The following CNTN6 variants were observed in gnomAD, a reference collection of about 807,000 sequenced individuals.
The protein encoded by CNTN6 is contactin-6.
Under a neutral mutation model 122.8 loss-of-function variants are expected in CNTN6, and 137 were observed. That is an observed-to-expected ratio of 1.12 (90% CI 0.97 to 1.29). The LOEUF (loss-of-function observed/expected upper bound fraction) is 1.29. CNTN6 is among the 50% of genes most tolerant of loss of function. The pLI is 0.00. For missense variants in CNTN6, 1,634 were observed against 1,223.4 expected, an observed-to-expected ratio of 1.34 and a Z score of -5.01; for synonymous variants, 570 against 426.0, an observed-to-expected ratio of 1.34 and a Z score of -4.16.
rs1700979072 is a variant in CNTN6, at chr3:1,322,376, G to A, written c.946+542G>A. 4.6e-5 allele frequency among the ~76,000 whole-genome samples: 7 copies of A among 151,738 alleles called. No individual in the cohort carries two copies. The South Asian group carries it at 1.5e-3, about 31-fold the overall frequency. On this transcript the variant is annotated intron_variant, in intron 8 of 22. Coordinates refer to ENST00000446702, the MANE Select transcript of CNTN6 (RefSeq NM_001289080.2). ...CGTAAACTTAAGAGAGACGATGAAT[G>A]CATATATTATCTAAAAGCTGTCTTT... is the stretch of plus-strand genomic sequence containing the variant.
intron 2 of CNTN6, among the ~76,000 whole-genome samples, chr3:1,177,770 C>T (rs557777911): frequency 1.5e-4 from 22 of 151,558 alleles, no homozygotes; most frequent in African/African-American, 5.1e-4. Context: ...TTTTATTTTT[C>T]GGTATATATG....
At chr3:1,265,288 T>G (rs1035473859) in intron 4 of CNTN6, among the ~76,000 whole-genome samples, 11 of 152,164 alleles carry the variant, frequency 7.2e-5, no homozygotes, top group African/African-American at 1.9e-4. Flanking sequence ...CTCTGCCTCT[T>G]CACCTCTAAA....
chr3:1,261,677 T>G (rs565130634), intron 4 of CNTN6, among the ~76,000 whole-genome samples: 23 of 152,240 alleles, frequency 1.5e-4, no homozygotes, highest in African/African-American at 5.1e-4. Context: ...CTAAATGGGT[T>G]GAACAGATAT....
chr3:1,222,267 A>G (rs1278866639), intron 3 of CNTN6, among the ~76,000 whole-genome samples: 1 of 152,186 alleles, frequency 6.6e-6, no homozygotes, highest in African/African-American at 2.4e-5. Flanking sequence ...TTCTTAAATG[A>G]TGAGCTGTCC....
intron 5 of CNTN6, among the ~76,000 whole-genome samples, chr3:1,287,223 G>T (rs773812467): frequency 1.3e-5 from 2 of 152,102 alleles, no homozygotes; most frequent in Non-Finnish European, 2.9e-5. Flanking sequence ...AGATCTAATA[G>T]ACATCTACGG....
At chr3:1,346,728 G>C (rs1422104411) in intron 11 of CNTN6, among the ~76,000 whole-genome samples, 2 of 152,080 alleles carry the variant, frequency 1.3e-5, no homozygotes, top group South Asian at 4.1e-4. Context: ...AATGGACTAA[G>C]ACACCGGAAA....
intron 5 of CNTN6, among the ~76,000 whole-genome samples, chr3:1,288,412 ATTC>A (rs1458836735): frequency 6.6e-6 from 1 of 152,216 alleles, no homozygotes; most frequent in African/African-American, 2.4e-5. Context: ...AAAAGGAATT[ATTC>A]TTCTTGGATT....
At chr3:1,210,116 C>G (rs984876978) in intron 2 of CNTN6, among the ~76,000 whole-genome samples, 4 of 152,142 alleles carry the variant, frequency 2.6e-5, no homozygotes, top group African/African-American at 9.7e-5. Flanking sequence ...CTGCATAAAA[C>G]CCTTCAAAAG....
chr3:1,200,789 C>G (rs1320824865), intron 2 of CNTN6, among the ~76,000 whole-genome samples: 2 of 152,182 alleles, frequency 1.3e-5, no homozygotes, highest in East Asian at 3.9e-4. Context: ...GGTTATCTCT[C>G]TAGCCCCATT....
chr3:1,385,527 G>C (rs1437557719), intron 19 of CNTN6, 84 bp from the exon 20 acceptor site: 3 of 1,077,922 alleles, frequency 2.8e-6, no homozygotes, highest in Non-Finnish European at 4.0e-6. Flanking sequence ...TATTCCTTGT[G>C]GTTGTGGTTG....
chr3:1,249,096 G>A (rs2094622510), intron 4 of CNTN6, among the ~76,000 whole-genome samples: 1 of 152,110 alleles, frequency 6.6e-6, no homozygotes, highest in Non-Finnish European at 1.5e-5. Flanking sequence ...ATATCAGACG[G>A]TGGGTAGCAA....
At chr3:1,124,869 A>C (rs10446411) in intron 1 of CNTN6, among the ~76,000 whole-genome samples, 60,657 of 151,738 alleles carry the variant, frequency 0.4, 12,654 homozygotes, top group East Asian at 0.48. Context: ...CCCATGCCAT[A>C]GCACTTATCA....
chr3:1,309,280 AT>A (rs1341882576), intron 7 of CNTN6, among the ~76,000 whole-genome samples: 2 of 152,094 alleles, frequency 1.3e-5, no homozygotes, highest in Admixed American at 6.6e-5. Context: ...TTGCATTTTC[AT>A]TGATGGTCCA....
chr3:1,372,236 T>C (rs1709117841), intron 12 of CNTN6, 63 bp from the exon 13 acceptor site: 4 of 1,262,746 alleles, frequency 3.2e-6, no homozygotes, highest in Admixed American at 4.9e-5. Flanking sequence ...TTCAGAAATA[T>C]GTATTTTATA....
intron 5 of CNTN6, among the ~76,000 whole-genome samples, chr3:1,285,109 G>A (rs79936926): frequency 0.037 from 5,691 of 152,258 alleles, 159 homozygotes; most frequent in South Asian, 0.065. Flanking sequence ...AAAAGTGATT[G>A]TGTTAATTCA....
rs536988261 is a variant in CNTN6 at position 1,372,358 on chromosome 3, G to A, written c.1552G>A (p.Val518Met). 10 of 1,613,410 alleles carry A rather than the reference G, an allele frequency of 6.2e-6. No homozygotes were observed. Among genetic ancestry groups the A allele is most frequent in the South Asian group, 1.1e-5 (1 of 91,044 alleles). ...GGATGTTACAGTTGGCGAGAGTATAGTGCTACCATGCCAGGTGTCCCATGA... is the reference window on the plus strand; with the variant it reads ...GGATGTTACAGTTGGCGAGAGTATAATGCTACCATGCCAGGTGTCCCATGA... Reference protein sequence around the residue: ...KMDVTVGESIVLPCQVSHDPS... With the variant: ...KMDVTVGESIMLPCQVSHDPS... The change falls in exon 13 of 23, where the codon GTG (valine) becomes ATG (methionine). Residue 518 changes from valine to methionine, a missense_variant. Val to Met is a conservative substitution (Grantham distance 21). Transcript: ENST00000446702.
chr3:1,268,598 C>G (rs1343620919), intron 4 of CNTN6, among the ~76,000 whole-genome samples: 1 of 113,774 alleles, frequency 8.8e-6, no homozygotes, highest in Non-Finnish European at 1.7e-5. Context: ...CAGAGCGAGA[C>G]TCCGTCTCAA....
chr3:1,271,042 T>A (rs1450680112), intron 4 of CNTN6, among the ~76,000 whole-genome samples: 1 of 152,138 alleles, frequency 6.6e-6, no homozygotes, highest in Non-Finnish European at 1.5e-5. Context: ...CACATTAGAC[T>A]ATTTTTTATA....
intron 20 of CNTN6, among the ~76,000 whole-genome samples, chr3:1,386,586 G>A (rs976997321): frequency 2.0e-5 from 3 of 152,104 alleles, no homozygotes; most frequent in Non-Finnish European, 2.9e-5. Flanking sequence ...CTGATCATCC[G>A]ACTTAGTTGT....
Sources: allele counts gnomAD v4.1 joint callset (sites outside exome capture counted in the v4.1 genomes callset), GRCh38; gene constraint gnomAD v4.1.1; transcripts MANE v1.5; gene names NCBI Gene and HGNC (gene_info 2026-07-23, HGNC 2026-07-21).